The following CERS3 variants were observed in gnomAD, a reference collection of about 807,000 sequenced individuals.
CERS3 encodes ceramide synthase 3.
A neutral mutation model predicts 50.3 loss-of-function variants in CERS3; 33 were observed. The ratio of observed to expected loss-of-function variants is 0.66; its 90% CI spans 0.50 to 0.88. The LOEUF (loss-of-function observed/expected upper bound fraction) is 0.88. Ranked by LOEUF, CERS3 falls within the 40% of genes least tolerant of loss-of-function variation. CERS3 has a pLI of 0.00. For missense variants in CERS3, 470 were observed against 460.3 expected (o/e 1.02, Z -0.19); for synonymous variants, 176 against 155.2 (o/e 1.13, Z -0.99).
intron 9 of CERS3, among the ~76,000 whole-genome samples, chr15:100,470,428 C>A (rs925699084): frequency 6.6e-6 from 1 of 152,064 alleles, no homozygotes; most frequent in African/African-American, 2.4e-5. Flanking sequence ...TGGCAGAGGG[C>A]CCCCAGAGAA....
At chr15:100,440,788 C>T (rs933508262) in intron 11 of CERS3, among the ~76,000 whole-genome samples, 12 of 152,204 alleles carry the variant, frequency 7.9e-5, no homozygotes, top group Admixed American at 3.9e-4. Context: ...CTTCTCGAAC[C>T]TCTCTCGCTA....
intron 10 of CERS3, among the ~76,000 whole-genome samples, chr15:100,461,592 A>G (rs189644178): frequency 1.3e-5 from 2 of 152,330 alleles, no homozygotes; most frequent in East Asian, 1.9e-4. Flanking sequence ...AGTTACAACT[A>G]TTACTCTTAC....
At chr15:100,403,239 A>C (rs2030698042) in intron 11 of CERS3, among the ~76,000 whole-genome samples, 1 of 152,218 alleles carries the variant, frequency 6.6e-6, no homozygotes, top group Admixed American at 6.5e-5. Flanking sequence ...CAACATATCA[A>C]AATTTGTTCA....
At chr15:100,540,404 C>T (rs1039361141) in intron 1 of CERS3, among the ~76,000 whole-genome samples, 2 of 152,200 alleles carry the variant, frequency 1.3e-5, no homozygotes, top group South Asian at 2.1e-4. Context: ...ATTAGCCGGG[C>T]GTGGTGACAG....
intron 11 of CERS3, among the ~76,000 whole-genome samples, chr15:100,410,059 C>T (rs892092388): frequency 5.3e-5 from 8 of 152,196 alleles, no homozygotes; most frequent in Admixed American, 5.2e-4. Flanking sequence ...AGCAAAGGTA[C>T]CTAGTATTCC....
At chr15:100,518,131 T>G (rs1451260124) in intron 2 of CERS3, among the ~76,000 whole-genome samples, 1 of 152,174 alleles carries the variant, frequency 6.6e-6, no homozygotes, top group Non-Finnish European at 1.5e-5. Flanking sequence ...AAGGCTAGTC[T>G]TTTCTGTCTA....
intron 10 of CERS3, among the ~76,000 whole-genome samples, chr15:100,457,465 T>G (rs969400917): frequency 1.3e-5 from 2 of 152,238 alleles, no homozygotes; most frequent in African/African-American, 4.8e-5. Flanking sequence ...TCACACAGCA[T>G]AATGCTTTTA....
intron 10 of CERS3, among the ~76,000 whole-genome samples, chr15:100,462,213 A>G (rs893200413): frequency 3.9e-5 from 6 of 152,246 alleles, no homozygotes; most frequent in East Asian, 1.9e-4. Context: ...TTCCAAATGG[A>G]TAAGCTACTA....
intron 11 of CERS3, among the ~76,000 whole-genome samples, chr15:100,407,253 G>A (rs2031114406): frequency 6.6e-6 from 1 of 152,180 alleles, no homozygotes; most frequent in Non-Finnish European, 1.5e-5. Flanking sequence ...AGCTAAGAAA[G>A]AAACCAGTCC....
intron 11 of CERS3, among the ~76,000 whole-genome samples, chr15:100,427,249 C>A (rs2032867107): frequency 6.6e-6 from 1 of 152,190 alleles, no homozygotes; most frequent in Non-Finnish European, 1.5e-5. Flanking sequence ...CGCTGCATCC[C>A]TGTCTCGGAG....
intron 3 of CERS3, 143 bp downstream of exon 3, chr15:100,501,534 A>C (rs556458602): frequency 3.0e-6 from 2 of 660,726 alleles, no homozygotes; most frequent in South Asian, 4.2e-5. Flanking sequence ...TGATTACATT[A>C]ACTCATCCCC....
chr15:100,488,480 A>C (rs1357355772), intron 4 of CERS3, among the ~76,000 whole-genome samples: 1 of 152,202 alleles, frequency 6.6e-6, no homozygotes, highest in Non-Finnish European at 1.5e-5. Context: ...TAATTAAGCA[A>C]AGTGCTATCT....
rs1252369385 is a variant in CERS3 at position 100,501,754 on chromosome 15, G to C, written c.96C>G (p.Val32=). ...WSDLEDHDGL[V]FVKPSHLYVT... ...CGTATAAATGAGAAGGTTTTACAAA[G>C]ACGAGTCCATCGTGATCCTCAAGAT... Residue 32 remains valine, a synonymous_variant, in exon 3 of 12, where the codon GTC becomes GTG. Coordinates refer to ENST00000679737, the MANE Select transcript of CERS3 (RefSeq NM_001378789.1). 1.2e-6 allele frequency: 2 copies of C among 1,613,950 alleles called. No homozygotes were observed. Among genetic ancestry groups the C allele is most frequent in the Non-Finnish European group, 1.7e-6 (2 of 1,179,920 alleles).
chr15:100,420,036 G>A (rs1276390578), intron 11 of CERS3, among the ~76,000 whole-genome samples: 2 of 141,396 alleles, frequency 1.4e-5, no homozygotes, highest in African/African-American at 5.3e-5. Flanking sequence ...AAAAGCAAGA[G>A]CAAACACATT....
chr15:100,541,400 A>G (rs1288400900), intron 1 of CERS3, among the ~76,000 whole-genome samples: 2 of 152,186 alleles, frequency 1.3e-5, no homozygotes, highest in South Asian at 2.1e-4. Flanking sequence ...TGAACCCAGG[A>G]AGCGGAGGTT....
At chr15:100,446,218 G>T (rs1030202393) in intron 11 of CERS3, among the ~76,000 whole-genome samples, 1 of 151,736 alleles carries the variant, frequency 6.6e-6, no homozygotes, top group Non-Finnish European at 1.5e-5. Context: ...CTTTTTCAGA[G>T]ATCACAGAAA....
intron 4 of CERS3, 36 bp from the exon 5 acceptor site, chr15:100,484,704 G>A (rs766407190): frequency 3.5e-6 from 5 of 1,444,706 alleles, no homozygotes; most frequent in South Asian, 3.4e-5. Flanking sequence ...GAGTGATAAA[G>A]AACAGAGTCA....
At chr15:100,498,800 C>T (rs774411514) in intron 3 of CERS3, among the ~76,000 whole-genome samples, 14 of 152,234 alleles carry the variant, frequency 9.2e-5, no homozygotes, top group East Asian at 1.9e-4. Flanking sequence ...TAAATAGATA[C>T]ACTAGCCTAT....
intron 11 of CERS3, among the ~76,000 whole-genome samples, chr15:100,453,298 T>A (rs1322180032): frequency 6.6e-6 from 1 of 152,084 alleles, no homozygotes; most frequent in Non-Finnish European, 1.5e-5. Context: ...AAAGATAACA[T>A]ACCATGGCCA....
Sources: allele counts gnomAD v4.1 joint callset (sites outside exome capture counted in the v4.1 genomes callset), GRCh38; gene constraint gnomAD v4.1.1; transcripts MANE v1.5; gene names NCBI Gene and HGNC (gene_info 2026-07-23, HGNC 2026-07-21).